HDAC9: variants seen among roughly 807,000 people sequenced by gnomAD.
HDAC9 encodes the protein histone deacetylase 9.
A neutral mutation model predicts 139.4 loss-of-function variants in HDAC9; 41 were observed. The ratio of observed to expected loss-of-function variants is 0.29; its 90% CI spans 0.23 to 0.38. The LOEUF (loss-of-function observed/expected upper bound fraction) is 0.38, where lower values mean the gene tolerates loss of function less well. Ranked by LOEUF, HDAC9 falls within the 10% of genes least tolerant of loss-of-function variation. HDAC9 has a pLI of 1.00. For missense variants in HDAC9, 1,147 were observed against 1,297.0 expected (o/e 0.88, Z 1.78); for synonymous variants, 517 against 476.2 (o/e 1.09, Z -1.12).
intron 16 of HDAC9, among the ~76,000 whole-genome samples, chr7:18,767,947 C>T (rs1268501272): frequency 6.6e-6 from 1 of 152,134 alleles, no homozygotes; most frequent in Non-Finnish European, 1.5e-5. Flanking sequence ...ATGTATATCA[C>T]GTTTTAAACA....
intron 1 of HDAC9, among the ~76,000 whole-genome samples, chr7:18,379,485 C>A (rs746403951): frequency 6.6e-6 from 1 of 152,190 alleles, no homozygotes; most frequent in Non-Finnish European, 1.5e-5. Flanking sequence ...TATTCTGTCT[C>A]TAAATGGCCT....
At chr7:18,383,756 G>A (rs898554746) in intron 1 of HDAC9, among the ~76,000 whole-genome samples, 1 of 151,656 alleles carries the variant, frequency 6.6e-6, no homozygotes, top group African/African-American at 2.4e-5. Context: ...CGGCGTGGTG[G>A]CGGGCGTCTG....
rs117798284 is a variant in HDAC9, at chr7:18,879,765, G to A, written c.2803+5169G>A. On this transcript the variant is annotated intron_variant, in intron 22 of 25. Coordinates refer to ENST00000686413, the MANE Select transcript of HDAC9 (RefSeq NM_178425.4). ...ACATAGGTATTGGTAAAGATTTTAT[G>A]ACAAAGACACAAAAGCAATCCCAAC... Among the ~76,000 whole-genome samples, 783 of 152,170 alleles carry A rather than the reference G, an allele frequency of 5.1e-3. 4 individuals carry two copies. The highest frequency in any genetic ancestry group is 8.5e-3 in the Non-Finnish European group (579 of 67,962).
intron 1 of HDAC9, among the ~76,000 whole-genome samples, chr7:18,403,773 A>T (rs1333016268): frequency 1.3e-5 from 2 of 152,236 alleles, no homozygotes; most frequent in Admixed American, 6.5e-5. Context: ...ATAGATCAAG[A>T]CATATGTTAA....
intron 22 of HDAC9, among the ~76,000 whole-genome samples, chr7:18,926,304 G>A (rs1804222590): frequency 6.6e-6 from 1 of 152,048 alleles, no homozygotes; most frequent in Admixed American, 6.6e-5. Flanking sequence ...CTATGATGAT[G>A]CCACTACACT....
chr7:18,401,612 A>G (rs1345288684), intron 1 of HDAC9, among the ~76,000 whole-genome samples: 1 of 152,174 alleles, frequency 6.6e-6, no homozygotes, highest in Non-Finnish European at 1.5e-5. Context: ...TTCTCTTGTT[A>G]TAATTGTGCT....
intron 22 of HDAC9, among the ~76,000 whole-genome samples, chr7:18,930,043 A>G (rs1010026200): frequency 2.3e-4 from 35 of 152,302 alleles, no homozygotes; most frequent in Middle Eastern, 3.4e-3. Flanking sequence ...ATGTCTGTCA[A>G]GGCTGATTTT....
At chr7:18,532,440 G>T (rs1809343155) in intron 2 of HDAC9, among the ~76,000 whole-genome samples, 1 of 152,160 alleles carries the variant, frequency 6.6e-6, no homozygotes, top group Non-Finnish European at 1.5e-5. Flanking sequence ...GGGAAGAGAA[G>T]TGGTCTAATT....
intron 2 of HDAC9, among the ~76,000 whole-genome samples, chr7:18,540,103 C>CAAAAA (rs34620445): frequency 1.2e-4 from 7 of 58,418 alleles, no homozygotes; most frequent in East Asian, 4.6e-4. Context: ...ACTAAAAATA[C>CAAAAA]AAAAAAAAAA....
intron 22 of HDAC9, among the ~76,000 whole-genome samples, chr7:18,930,035 G>A (rs548868821): frequency 7.2e-5 from 11 of 152,268 alleles, no homozygotes; most frequent in African/African-American, 2.6e-4. Flanking sequence ...TAATAGGGAT[G>A]TCTGTCAAGG....
intron 14 of HDAC9, among the ~76,000 whole-genome samples, chr7:18,759,808 A>G (rs576479991): frequency 6.6e-6 from 1 of 152,284 alleles, no homozygotes; most frequent in African/African-American, 2.4e-5. Context: ...TTCAGCTAGA[A>G]TCAGTGGGAT....
intron 2 of HDAC9, among the ~76,000 whole-genome samples, chr7:18,501,016 AG>A (rs1798221208): frequency 6.6e-6 from 1 of 152,152 alleles, no homozygotes; most frequent in South Asian, 2.1e-4. Flanking sequence ...TAAAGATGAA[AG>A]GTTTGAAAAA....
intron 2 of HDAC9, among the ~76,000 whole-genome samples, chr7:18,550,686 C>G (rs780631744): frequency 6.6e-6 from 1 of 152,142 alleles, no homozygotes; most frequent in Non-Finnish European, 1.5e-5. Flanking sequence ...GATGCATTTT[C>G]TGATCACTAA....
chr7:18,815,699 G>A (rs1391238370), intron 17 of HDAC9, among the ~76,000 whole-genome samples: 1 of 152,188 alleles, frequency 6.6e-6, no homozygotes, highest in African/African-American at 2.4e-5. Flanking sequence ...ATTCTTTACA[G>A]AGCAGGGCTG....
At chr7:18,107,679 C>G (rs1464444315) in intron 1 of HDAC9, among the ~76,000 whole-genome samples, 3 of 152,166 alleles carry the variant, frequency 2.0e-5, no homozygotes, top group Non-Finnish European at 2.9e-5. Flanking sequence ...ACTGACACCT[C>G]CCCTAACATA....
chr7:18,428,523 A>G (rs1790334038), intron 1 of HDAC9, among the ~76,000 whole-genome samples: 1 of 152,232 alleles, frequency 6.6e-6, no homozygotes, highest in Admixed American at 6.5e-5. Context: ...AAGATGCTCT[A>G]TGTCACTAAT....
chr7:18,697,968 C>T (rs528014709), intron 12 of HDAC9, among the ~76,000 whole-genome samples: 4 of 152,116 alleles, frequency 2.6e-5, no homozygotes, highest in South Asian at 2.1e-4. Flanking sequence ...ACTCTAACTA[C>T]TCATGAATCA....
intron 22 of HDAC9, among the ~76,000 whole-genome samples, chr7:18,889,087 C>T (rs188804046): frequency 2.6e-5 from 4 of 152,316 alleles, no homozygotes; most frequent in African/African-American, 9.6e-5. Flanking sequence ...CACGTGATGT[C>T]TATGTACTCT....
At chr7:18,380,172 C>G (rs1345411249) in intron 1 of HDAC9, among the ~76,000 whole-genome samples, 2 of 151,928 alleles carry the variant, frequency 1.3e-5, no homozygotes, top group Non-Finnish European at 2.9e-5. Context: ...TGCAGAAGGC[C>G]TGAAACAAAG....
Sources: allele counts gnomAD v4.1 joint callset (sites outside exome capture counted in the v4.1 genomes callset), GRCh38; gene constraint gnomAD v4.1.1; transcripts MANE v1.5; gene names NCBI Gene and HGNC (gene_info 2026-07-23, HGNC 2026-07-21).